The following MLLT10 variants were observed in gnomAD, a reference collection of about 807,000 sequenced individuals.
MLLT10 encodes the protein protein AF-10.
MLLT10 carries 30 observed loss-of-function variants against 129.1 expected under a neutral mutation model. That is an observed-to-expected ratio of 0.23 (90% CI 0.17 to 0.32). The LOEUF (loss-of-function observed/expected upper bound fraction) is 0.32. Ranked by LOEUF, MLLT10 falls within the 10% of genes least tolerant of loss-of-function variation. The pLI is 1.00. For synonymous variants in MLLT10, 490 were observed against 446.4 expected, an observed-to-expected ratio of 1.10 and a Z score of -1.23; for missense variants, 1,119 against 1,268.3, an observed-to-expected ratio of 0.88 and a Z score of 1.79.
chr10:21,604,442 T>C (rs917061273), intron 5 of MLLT10, among the ~76,000 whole-genome samples: 4 of 151,870 alleles, frequency 2.6e-5, no homozygotes, highest in African/African-American at 9.7e-5. Flanking sequence ...ATGCAAAAAT[T>C]AGCGAGGTGT....
intron 3 of MLLT10, among the ~76,000 whole-genome samples, chr10:21,566,082 A>G (rs548813728): frequency 6.7e-6 from 1 of 149,734 alleles, no homozygotes; most frequent in East Asian, 2.0e-4. Flanking sequence ...CCTCCAGAGT[A>G]GCTATTACAG....
chr10:21,590,597 C>T (rs2042401028), intron 4 of MLLT10, among the ~76,000 whole-genome samples: 1 of 152,140 alleles, frequency 6.6e-6, no homozygotes, highest in African/African-American at 2.4e-5. Context: ...CCTTGGCCTC[C>T]CAGAGTGCTA....
chr10:21,681,139 G>C (rs1377908687), intron 11 of MLLT10, among the ~76,000 whole-genome samples, 193 bp from the exon 12 acceptor site: 1 of 151,986 alleles, frequency 6.6e-6, no homozygotes, highest in African/African-American at 2.4e-5. Context: ...AGATTTGTGA[G>C]AATTCTATTC....
At chr10:21,740,923 A>C (rs2058776428) in intron 22 of MLLT10, among the ~76,000 whole-genome samples, 1 of 152,206 alleles carries the variant, frequency 6.6e-6, no homozygotes, top group East Asian at 1.9e-4. Context: ...GAACCCTGTT[A>C]GAGGAAGGCT....
rs765227070 is a variant in MLLT10 at position 21,741,922 on chromosome 10, CTTTTG to C, written c.3163-13_3163-9del. Reference sequence around the variant, plus strand: ...AGTTGATTTAGCTAACGCATCTGCTCTTTTGTTTACCTGCAGAGACTTAGTGATAA... The same window carrying C: ...AGTTGATTTAGCTAACGCATCTGCTCTTTACCTGCAGAGACTTAGTGATAA... On this transcript the variant is annotated splice_polypyrimidine_tract_variant and intron_variant, in intron 22 of 22. Coordinates refer to ENST00000307729, the MANE Select transcript of MLLT10 (RefSeq NM_001195626.3). The C allele has an allele frequency of 9.3e-5, 149 of 1,609,320 alleles. No homozygotes were observed. Among genetic ancestry groups the C allele is most frequent in the Non-Finnish European group, 1.1e-4 (132 of 1,178,766 alleles).
intron 11 of MLLT10, among the ~76,000 whole-genome samples, chr10:21,677,080 G>A (rs1021378444): frequency 3.3e-5 from 5 of 152,130 alleles, no homozygotes; most frequent in Non-Finnish European, 7.3e-5. Flanking sequence ...ATTCTCTTAG[G>A]TTTTAAGTGA....
intron 13 of MLLT10, among the ~76,000 whole-genome samples, chr10:21,692,558 C>T (rs751282424): frequency 5.9e-5 from 9 of 151,946 alleles, no homozygotes; most frequent in Non-Finnish European, 1.0e-4. Flanking sequence ...TAGCTCACTG[C>T]AGTCTCAATT....
chr10:21,553,324 A>C (rs1047735570), intron 3 of MLLT10, among the ~76,000 whole-genome samples: 12 of 150,838 alleles, frequency 8.0e-5, no homozygotes, highest in African/African-American at 2.9e-4. Context: ...AAGCAGTTCT[A>C]ATTTTTTTTT....
At chr10:21,663,958 AG>A (rs1488624095) in intron 9 of MLLT10, among the ~76,000 whole-genome samples, 1 of 152,198 alleles carries the variant, frequency 6.6e-6, no homozygotes, top group Non-Finnish European at 1.5e-5. Context: ...GGCAGAGCAA[AG>A]ACTTCTCTCT....
At chr10:21,556,495 T>G (rs1301713688) in intron 3 of MLLT10, 6 of 617,110 alleles carry the variant, frequency 9.7e-6, no homozygotes, top group Non-Finnish European at 1.4e-5. Flanking sequence ...GATTCTTGTT[T>G]TTCTTCAGCT....
intron 11 of MLLT10, 89 bp from the exon 12 acceptor site, chr10:21,681,243 T>G: frequency 1.3e-6 from 2 of 1,538,846 alleles, no homozygotes; most frequent in Non-Finnish European, 1.8e-6. Flanking sequence ...TTAGGTGAAT[T>G]TCCCTCCATT....
chr10:21,695,050 CTTTCTACCTTCTTTTTT>C, intron 13 of MLLT10, among the ~76,000 whole-genome samples: 1 of 146,404 alleles, frequency 6.8e-6, no homozygotes, highest in Admixed American at 7.2e-5. Context: ...CTTTCACTGA[CTTTCTACCTTCTTTTTT>C]TTTTTTTTTT....
Position 21,576,991 on chromosome 10 carries a change from C to A in MLLT10, c.241-9303C>A, listed in dbSNP as rs139089449. Among the ~76,000 whole-genome samples, 1,521 of 152,266 alleles carry A rather than the reference C, an allele frequency of 1.0e-2. 13 individuals carry two copies. Among genetic ancestry groups the A allele is most frequent in the Non-Finnish European group, 0.012 (818 of 68,032 alleles). On this transcript the variant is annotated intron_variant, in intron 3 of 22. Coordinates refer to ENST00000307729, the MANE Select transcript of MLLT10 (RefSeq NM_001195626.3). ...CAATCAATTTTAGAACACTTGTATC[C>A]CCTCAAGAAGAAGCCCTTTGGCCCA...
At chr10:21,676,056 C>A (rs1197611542) in intron 11 of MLLT10, among the ~76,000 whole-genome samples, 4 of 152,028 alleles carry the variant, frequency 2.6e-5, no homozygotes, top group Admixed American at 2.6e-4. Context: ...GGGGGAAATT[C>A]TTGTAAGTAT....
intron 5 of MLLT10, among the ~76,000 whole-genome samples, chr10:21,596,714 A>G (rs1166826697): frequency 1.3e-5 from 2 of 151,560 alleles, no homozygotes; most frequent in East Asian, 1.9e-4. Flanking sequence ...TGTTTTTTGA[A>G]GATTATTCAT....
intron 22 of MLLT10, 24 bp from the exon 23 acceptor site, chr10:21,741,915 A>G: frequency 6.2e-7 from 1 of 1,607,678 alleles, no homozygotes; most frequent in East Asian, 2.2e-5. Flanking sequence ...TAGCTAACGC[A>G]TCTGCTCTTT....
chr10:21,544,229 G>C (rs1255772316), intron 3 of MLLT10, among the ~76,000 whole-genome samples: 12 of 152,190 alleles, frequency 7.9e-5, no homozygotes, highest in Non-Finnish European at 1.8e-4. Flanking sequence ...TGCCTCCTAT[G>C]GTGAAAGATG....
chr10:21,572,752 A>G (rs888790534), intron 3 of MLLT10, among the ~76,000 whole-genome samples: 22 of 152,072 alleles, frequency 1.4e-4, no homozygotes, highest in African/African-American at 4.6e-4. Flanking sequence ...AGCTGGGATT[A>G]CAGGCATGTA....
chr10:21,728,640 C>T (rs2057705989), intron 16 of MLLT10, among the ~76,000 whole-genome samples: 1 of 152,040 alleles, frequency 6.6e-6, no homozygotes, highest in Non-Finnish European at 1.5e-5. Flanking sequence ...AGGAACCCTC[C>T]CTCAAGCATG....
Sources: gnomAD v4.1 joint callset for allele counts (sites outside exome capture counted in the v4.1 genomes callset) on GRCh38, gnomAD v4.1.1 for gene constraint, MANE v1.5 for transcripts, NCBI Gene and HGNC (gene_info 2026-07-23, HGNC 2026-07-21) for gene names.